The following IGF1R variants were observed in gnomAD, a reference collection of about 807,000 sequenced individuals.
IGF1R encodes the protein insulin-like growth factor 1 receptor.
IGF1R carries 44 observed loss-of-function variants against 144.6 expected under a neutral mutation model. That is an observed-to-expected ratio of 0.30 (90% CI 0.24 to 0.39). The LOEUF is 0.39. Among genes scored for constraint, IGF1R ranks in the 10% least tolerant of loss-of-function variants. The pLI is 1.00. For synonymous variants in IGF1R, 795 were observed against 722.8 expected (o/e 1.10, Z -1.60); for missense variants, 1,355 against 1,833.7 (o/e 0.74, Z 4.77).
chr15:98,695,557 C>G (rs1408555860), intron 1 of IGF1R, among the ~76,000 whole-genome samples: 2 of 152,190 alleles, frequency 1.3e-5, no homozygotes, highest in Admixed American at 1.3e-4. Context: ...AGGTCATTTG[C>G]TCATTGTTAA....
At chr15:98,893,920 A>C (rs2014051868) in intron 3 of IGF1R, among the ~76,000 whole-genome samples, 1 of 152,226 alleles carries the variant, frequency 6.6e-6, no homozygotes, top group Non-Finnish European at 1.5e-5. Flanking sequence ...TGAAATATTT[A>C]ATTTTTTCAT....
intron 2 of IGF1R, among the ~76,000 whole-genome samples, chr15:98,789,378 T>G (rs2056077972): frequency 1.3e-5 from 2 of 152,210 alleles, no homozygotes; most frequent in South Asian, 4.1e-4. Context: ...AACTTTAATT[T>G]ATAGCATCAT....
chr15:98,834,572 A>G (rs1449027108), intron 2 of IGF1R, among the ~76,000 whole-genome samples: 1 of 152,254 alleles, frequency 6.6e-6, no homozygotes, highest in Non-Finnish European at 1.5e-5. Flanking sequence ...CAAGCTAGAA[A>G]GACACTGAAC....
chr15:98,707,909 G>T lies in IGF1R; in HGVS notation c.442G>T (p.Asp148Tyr). ...RGAIRIEKNADLCYLSTVDWS... is the reference protein window; with the variant it reads ...RGAIRIEKNAYLCYLSTVDWS... ...GGCCATCAGGATTGAGAAAAATGCT[G>T]ACCTCTGTTACCTCTCCACTGTGGA... Residue 148 changes from aspartate to tyrosine, a missense_variant, in exon 2 of 21, where the codon GAC becomes TAC. Around this residue, in one of 7 missense-constraint regions of IGF1R, gnomAD observed 880 missense variants for 1,202.7 expected, o/e 0.73. Transcript: ENST00000650285. This position sits in a 1 kb window ranked among gnomAD's most constrained non-coding sequence, Gnocchi z 6.7. The T allele has an allele frequency of 6.2e-7, 1 of 1,614,162 alleles. No homozygotes were observed. The highest frequency in any genetic ancestry group is 8.5e-7 in the Non-Finnish European group (1 of 1,180,024).
chr15:98,783,983 T>G (rs1370184086), intron 2 of IGF1R, among the ~76,000 whole-genome samples: 1 of 126,430 alleles, frequency 7.9e-6, no homozygotes, highest in Non-Finnish European at 1.6e-5. Context: ...TTTTTTTTTT[T>G]TTTTTTTTTG....
intron 2 of IGF1R, among the ~76,000 whole-genome samples, chr15:98,830,398 G>A (rs1567150622): frequency 6.6e-6 from 1 of 152,198 alleles, no homozygotes; most frequent in African/African-American, 2.4e-5. Flanking sequence ...CAGACTCAGG[G>A]TGTGTGAAAA....
rs2017168419 is a variant in IGF1R, at chr15:98,960,183, G to C, written c.*2741G>C. ...TCCACGCCACAGGCGCCACACCCAG[G>C]TGATGCAGGGGGAAGCCAGGCTGTA... On this transcript the variant is annotated 3_prime_UTR_variant, in exon 21 of 21. Coordinates refer to ENST00000650285, the MANE Select transcript of IGF1R (RefSeq NM_000875.5). The C allele has an allele frequency of 4.3e-6, 1 of 233,650 alleles. No homozygotes were observed. Among genetic ancestry groups the C allele is most frequent in the South Asian group, 1.8e-4 (1 of 5,538 alleles). 14.5% of individuals were successfully genotyped at this position (233,650 alleles called of 1,614,324 possible). A position where few individuals can be genotyped will look rare whatever the true frequency, so the allele number is the denominator to read the frequency against.
chr15:98,812,827 G>T (rs1447454969), intron 2 of IGF1R, among the ~76,000 whole-genome samples: 1 of 151,914 alleles, frequency 6.6e-6, no homozygotes, highest in East Asian at 1.9e-4. Flanking sequence ...TTGTCCTTGG[G>T]CTTGTCATTA....
chr15:98,916,569 G>T (rs2015260295), intron 9 of IGF1R, 103 bp from the exon 10 acceptor site: 2 of 1,064,046 alleles, frequency 1.9e-6, no homozygotes, highest in Non-Finnish European at 2.9e-6. Context: ...GCCGAGACCA[G>T]CTATCTTCTT....
chr15:98,731,264 A>G (rs918048716), intron 2 of IGF1R, among the ~76,000 whole-genome samples: 5 of 152,338 alleles, frequency 3.3e-5, no homozygotes, highest in Middle Eastern at 3.4e-3. Context: ...CTTCAGTGTT[A>G]TAGTTAATAG....
intron 5 of IGF1R, among the ~76,000 whole-genome samples, chr15:98,904,888 C>A (rs2014658842): frequency 6.6e-6 from 1 of 152,224 alleles, no homozygotes; most frequent in African/African-American, 2.4e-5. Context: ...TTTCACACTT[C>A]AGAGAATAGC....
chr15:98,956,674 G>C (rs1173754459), intron 20 of IGF1R, among the ~76,000 whole-genome samples: 2 of 152,222 alleles, frequency 1.3e-5, no homozygotes, highest in Admixed American at 6.5e-5. Flanking sequence ...ATTCTGGAAA[G>C]GATGTTTCAG....
rs573747781 is a variant in IGF1R, at chr15:98,792,012, A to G, written c.640+83905A>G. 3.3e-5 allele frequency among the ~76,000 whole-genome samples: 5 copies of G among 152,316 alleles called. No individual in the cohort carries two copies. The South Asian group carries it at 8.3e-4, about 25-fold the overall frequency. ...CAGAATGGTGGCTCAGGTTTAGACA[A>G]TTCTCCCTGTTTGTGGGGCCCAGCA... On this transcript the variant is annotated intron_variant, in intron 2 of 20. Coordinates refer to ENST00000650285, the MANE Select transcript of IGF1R (RefSeq NM_000875.5).
chr15:98,688,151 C>G (rs1392487061), intron 1 of IGF1R, among the ~76,000 whole-genome samples: 1 of 152,166 alleles, frequency 6.6e-6, no homozygotes, highest in African/African-American at 2.4e-5. Context: ...CTCTGGTGAT[C>G]TGAACCTAGA....
intron 2 of IGF1R, among the ~76,000 whole-genome samples, chr15:98,761,924 G>C (rs564896890): frequency 3.3e-5 from 5 of 152,324 alleles, no homozygotes; most frequent in African/African-American, 1.2e-4. Context: ...GGCTGCAGAG[G>C]GCTCACTGTT....
At chr15:98,916,618 C>A in intron 9 of IGF1R, 54 bp from the exon 10 acceptor site, 1 of 1,434,068 alleles carries the variant, frequency 7.0e-7, no homozygotes, top group Non-Finnish European at 9.8e-7. Context: ...TCCTTACAAG[C>A]ATGTATAACG....
chr15:98,875,769 C>T (rs2013030045), intron 2 of IGF1R, among the ~76,000 whole-genome samples: 1 of 152,078 alleles, frequency 6.6e-6, no homozygotes, highest in African/African-American at 2.4e-5. Flanking sequence ...GAAGGCTTCC[C>T]CAGCAGGAAG....
At chr15:98,945,484 A>G (rs1218988513) in intron 19 of IGF1R, among the ~76,000 whole-genome samples, 1 of 152,246 alleles carries the variant, frequency 6.6e-6, no homozygotes, top group African/African-American at 2.4e-5. Context: ...GGCTTTACAC[A>G]GAGACATGTA....
At chr15:98,926,095 A>T (rs545736334) in intron 13 of IGF1R, among the ~76,000 whole-genome samples, 87 of 152,338 alleles carry the variant, frequency 5.7e-4, no homozygotes, top group African/African-American at 2.0e-3. Flanking sequence ...TGAATGGATA[A>T]AGAAAACCTG....
Sources: allele counts gnomAD v4.1 joint callset (sites outside exome capture counted in the v4.1 genomes callset), GRCh38; gene constraint gnomAD v4.1.1; regional missense constraint gnomAD v4.1.1; non-coding constraint Gnocchi (gnomAD v3.1); transcripts MANE v1.5; gene names NCBI Gene and HGNC (gene_info 2026-07-23, HGNC 2026-07-21).